RIPOR3: variants seen among roughly 807,000 people sequenced by gnomAD.
RIPOR3 encodes family with sequence similarity 65 member C.
A neutral mutation model predicts 114.3 loss-of-function variants in RIPOR3; 95 were observed. The observed-to-expected ratio is 0.83, with a 90% CI of 0.70 to 0.99. The LOEUF (loss-of-function observed/expected upper bound fraction) is 0.99, where lower values mean the gene tolerates loss of function less well. Among genes scored for constraint, RIPOR3 ranks in the 50% least tolerant of loss-of-function variants. RIPOR3 has a pLI of 0.00. For synonymous variants in RIPOR3, 575 were observed against 543.8 expected, an observed-to-expected ratio of 1.06 and a Z score of -0.80; for missense variants, 1,252 against 1,266.9, an observed-to-expected ratio of 0.99 and a Z score of 0.18.
Position 50,597,461 on chromosome 20 carries a change from A to G in RIPOR3, c.1790+119T>C. The G allele has an allele frequency of 2.8e-6, 4 of 1,403,514 alleles. No individual in the cohort carries two copies. The South Asian group carries it at 4.1e-5, about 14-fold the overall frequency. 86.9% of individuals were successfully genotyped at this position (1,403,514 alleles called of 1,614,324 possible). On this transcript the variant is annotated intron_variant, in intron 14 of 21. Transcript: ENST00000327979. ...GGGGAAGGGTGCACGATAGAGTGAC[A>G]AGAGCTGAGCCAAGGACAGTGGGAG...
chr20:50,587,770 C>T (rs779789648), intron 21 of RIPOR3, 32 bp downstream of exon 21: 12 of 1,610,614 alleles, frequency 7.5e-6, no homozygotes, highest in African/African-American at 1.3e-5. Flanking sequence ...CCAGGCACCC[C>T]GCTGCGCTGC....
At chr20:50,666,197 C>CTTTTCTT (rs1568944624) in intron 1 of RIPOR3, among the ~76,000 whole-genome samples, 1 of 93,406 alleles carries the variant, frequency 1.1e-5, no homozygotes, top group African/African-American at 5.4e-5. Context: ...CTTTTCTTTT[C>CTTTTCTT]TTTTCTTTTC....
At position 50,611,545 on chromosome 20, in the gene RIPOR3, A is replaced by AG. The variant is rs1227198281; in HGVS notation, c.349-342dup. The stretch of plus-strand genomic sequence containing the variant: ...AGCGCCTACCTCACAGGGAGAAAAA[A>AG]GGACACAGTAGGCCCTTGACAAAAT... On this transcript the variant is annotated intron_variant, in intron 4 of 21. Coordinates refer to ENST00000327979, the MANE Select transcript of RIPOR3 (RefSeq NM_001290268.2). Among the ~76,000 whole-genome samples, 3 of 152,290 alleles carry AG rather than the reference A, an allele frequency of 2.0e-5. No individual in the cohort carries two copies. In the East Asian group the frequency reaches 5.8e-4, roughly 29 times the overall value.
intron 16 of RIPOR3, chr20:50,594,965 C>T: frequency 1.9e-6 from 1 of 526,960 alleles, no homozygotes; most frequent in East Asian, 3.1e-5. Flanking sequence ...TCCTTACAGA[C>T]AAGGAACCTG....
chr20:50,599,006 T>TAGGTTCCTGTGAACCTCTGGTC, intron 13 of RIPOR3, among the ~76,000 whole-genome samples: 1 of 152,176 alleles, frequency 6.6e-6, no homozygotes, highest in Non-Finnish European at 1.5e-5. Context: ...GTTACTGGGT[T>TAGGTTCCTGTGAACCTCTGGTC]AGGTTCCTGT....
At chr20:50,689,232 A>G (rs975076955) in intron 1 of RIPOR3, among the ~76,000 whole-genome samples, 1 of 140,668 alleles carries the variant, frequency 7.1e-6, no homozygotes, top group Non-Finnish European at 1.5e-5. Context: ...GCTGGAGTGC[A>G]GTGGCACGAT....
At chr20:50,648,002 G>A (rs553436815) in intron 1 of RIPOR3, among the ~76,000 whole-genome samples, 11 of 152,062 alleles carry the variant, frequency 7.2e-5, no homozygotes, top group South Asian at 4.2e-4. Flanking sequence ...GTGGCCAGGC[G>A]CGGTGGCTCA....
chr20:50,661,158 A>C (rs1188008247), intron 1 of RIPOR3, among the ~76,000 whole-genome samples: 2 of 150,968 alleles, frequency 1.3e-5, no homozygotes, highest in Non-Finnish European at 3.0e-5. Context: ...GAATCGCTTG[A>C]ACGCGGGAGG....
intron 1 of RIPOR3, among the ~76,000 whole-genome samples, chr20:50,654,417 G>A (rs1361651366): frequency 1.5e-5 from 2 of 132,498 alleles, no homozygotes; most frequent in African/African-American, 5.4e-5. Flanking sequence ...CTCCCAGGAG[G>A]CAGAGTTTTT....
rs911451047 is a variant in RIPOR3 at position 50,609,613 on chromosome 20, CT to C, written c.535del (p.Ser179AlafsTer34). ...RCPPSRAARE[S>X]LQELGRSLHE... ...CAGGCTGCGGCCCAGCTCCTGCAGG[CT>C]CTCTCGGGCTGCGCGGCTCGGGGGG... On this transcript the variant is annotated frameshift_variant, in exon 7 of 22. Coordinates refer to ENST00000327979, the MANE Select transcript of RIPOR3 (RefSeq NM_001290268.2). LOFTEE classifies it high-confidence loss of function. The C allele has an allele frequency of 7.1e-7, 1 of 1,410,726 alleles. No homozygotes were observed. The highest frequency in any genetic ancestry group is 1.5e-5 in the African/African-American group (1 of 66,958). The allele number at this position is 1,410,726 out of a possible 1,614,324, so 87.4% of individuals were successfully genotyped here.
At chr20:50,667,588 G>A (rs960365964) in intron 1 of RIPOR3, among the ~76,000 whole-genome samples, 26 of 152,134 alleles carry the variant, frequency 1.7e-4, no homozygotes, top group South Asian at 4.1e-4. Context: ...CACCGCGCCC[G>A]GCCGCTGCTT....
chr20:50,609,582 C>T lies in RIPOR3; in HGVS notation c.567G>A (p.Glu189=). The T allele has an allele frequency of 7.0e-7, 1 of 1,422,624 alleles. No individual in the cohort carries two copies. Among genetic ancestry groups the T allele is most frequent in the Non-Finnish European group, 9.2e-7 (1 of 1,092,138 alleles). The allele number at this position is 1,422,624 out of a possible 1,614,324, so 88.1% of individuals were successfully genotyped here. A position where few individuals can be genotyped will look rare whatever the true frequency, so the allele number is the denominator to read the frequency against. The part of the protein sequence containing the change: ...SLQELGRSLH[E]CAEDMWLIEG... The stretch of plus-strand genomic sequence containing the variant: ...GCTTGGCCCGGCCCACCTCGGCGCA[C>T]TCGTGCAGGCTGCGGCCCAGCTCCT... Residue 189 remains glutamate, a synonymous_variant, in exon 7 of 22, where the codon GAG becomes GAA. Coordinates refer to ENST00000327979, the MANE Select transcript of RIPOR3 (RefSeq NM_001290268.2).
Position 50,609,898 on chromosome 20 carries a change from A to G in RIPOR3, c.427-176T>C, listed in dbSNP as rs1198369313. 3.3e-5 allele frequency among the ~76,000 whole-genome samples: 5 copies of G among 151,928 alleles called. No individual in the cohort carries two copies. In the East Asian group the frequency reaches 5.8e-4, roughly 18 times the overall value. On this transcript the variant is annotated intron_variant, in intron 6 of 21. Coordinates refer to ENST00000327979, the MANE Select transcript of RIPOR3 (RefSeq NM_001290268.2). ...ATTCAAAGCAGTCACCCCTGGCCCC[A>G]GTAGAACATGAACCCCCATAGGCAG...
rs959149400 is a variant in RIPOR3 at position 50,592,462 on chromosome 20, G to A, written c.2459C>T (p.Pro820Leu). 6.2e-7 allele frequency: 1 copy of A among 1,611,808 alleles called. No homozygotes were observed. The highest frequency in any genetic ancestry group is 8.5e-7 in the Non-Finnish European group (1 of 1,179,278). Reference sequence around the variant, plus strand: ...CCAGGCTCTTAAGGTCTGGGGCAGAGGCTGGAGCTGGCCCAGCCGCTTCCC... The same window carrying A: ...CCAGGCTCTTAAGGTCTGGGGCAGAAGCTGGAGCTGGCCCAGCCGCTTCCC... ...LQGKRLGQLQ[P>L]LPQTLRAWAL... The change falls in exon 19 of 22, where the codon CCT becomes CTT. Residue 820 changes from proline (P) to leucine (L), a missense_variant. Physicochemically the swap from Pro to Leu is moderately conservative, Grantham distance 98 (BLOSUM62 -3). Coordinates refer to ENST00000327979, the MANE Select transcript of RIPOR3 (RefSeq NM_001290268.2).
At chr20:50,639,203 C>T (rs2123312933) in intron 1 of RIPOR3, among the ~76,000 whole-genome samples, 1 of 151,794 alleles carries the variant, frequency 6.6e-6, no homozygotes, top group Middle Eastern at 3.4e-3. Context: ...GATTATGCCA[C>T]TGCACTCTAG....
rs2082922049 is a variant in RIPOR3 at position 50,586,296 on chromosome 20, A to G, written c.*936T>C. The G allele has an allele frequency of 6.5e-6, 1 of 152,752 alleles. No individual in the cohort carries two copies. The highest frequency in any genetic ancestry group is 2.4e-5 in the African/African-American group (1 of 41,466). 9.5% of individuals were successfully genotyped at this position (152,752 alleles called of 1,614,324 possible). A position where few individuals can be genotyped will look rare whatever the true frequency, so the allele number is the denominator to read the frequency against. Reference sequence around the variant, plus strand: ...ACCTCAAACCCTAGGTTCTCTCTGCACTATTAACACAGACATCTCAGGACA... The same window carrying G: ...ACCTCAAACCCTAGGTTCTCTCTGCGCTATTAACACAGACATCTCAGGACA... On this transcript the variant is annotated 3_prime_UTR_variant, in exon 22 of 22. Transcript: ENST00000327979.
rs190721831 is a variant in RIPOR3 at position 50,636,755 on chromosome 20, G to C, written c.4-5899C>G. ...CCTCCGTCCCCAAGGTGTGGCTGGA[G>C]GAAGCAGAGTCTACTCCCGCTAAGT... is the stretch of plus-strand genomic sequence containing the variant. On this transcript the variant is annotated intron_variant, in intron 1 of 21. Transcript: ENST00000327979. 3.7e-4 allele frequency: 367 copies of C among 985,530 alleles called. 3 individuals are homozygous for C. The African/African-American group carries it at 6.1e-3, about 16-fold the overall frequency. 61.0% of individuals were successfully genotyped at this position (985,530 alleles called of 1,614,324 possible). A position where few individuals can be genotyped will look rare whatever the true frequency, so the allele number is the denominator to read the frequency against.
chr20:50,588,520 G>A (rs1406300669), intron 20 of RIPOR3, among the ~76,000 whole-genome samples: 3 of 152,204 alleles, frequency 2.0e-5, no homozygotes, highest in Admixed American at 2.0e-4. Context: ...ATCTATGTGT[G>A]GGTTGTATCA....
Position 50,625,065 on chromosome 20 carries a change from C to CTTTTTTTTTTTT in RIPOR3, c.123-4934_123-4933insAAAAAAAAAAAA. ...CCAAGCTCAAATTCTGCTCTCAGTG[C>CTTTTTTTTTTTT]TTTTGTTTTTTTTTTTTTTAATTGA... On this transcript the variant is annotated intron_variant, in intron 2 of 21. Coordinates refer to ENST00000327979, the MANE Select transcript of RIPOR3 (RefSeq NM_001290268.2). Among the ~76,000 whole-genome samples, 2 of 142,860 alleles carry CTTTTTTTTTTTT rather than the reference C, an allele frequency of 1.4e-5. 1 individual carries two copies. The highest frequency in any genetic ancestry group is 4.5e-4 in the South Asian group (2 of 4,422). The allele number at this position is 142,860 out of a possible 152,430, so 93.7% of individuals were successfully genotyped here.
Sources: gnomAD v4.1 joint callset for allele counts (sites outside exome capture counted in the v4.1 genomes callset) on GRCh38, gnomAD v4.1.1 for gene constraint, MANE v1.5 for transcripts, NCBI Gene and HGNC (gene_info 2026-07-23, HGNC 2026-07-21) for gene names.